The following KALRN variants were observed in gnomAD, a reference collection of about 807,000 sequenced individuals.
KALRN encodes the protein kalirin RhoGEF kinase.
KALRN carries 70 observed loss-of-function variants against 353.7 expected under a neutral mutation model. The ratio of observed to expected loss-of-function variants is 0.20; its 90% CI spans 0.16 to 0.24. KALRN has a LOEUF of 0.24. Ranked by LOEUF, KALRN falls within the 10% of genes least tolerant of loss-of-function variation. The pLI, the probability that KALRN is intolerant of heterozygous loss-of-function variation, is 1.00. For synonymous variants in KALRN, 1,391 were observed against 1,434.8 expected (o/e 0.97, Z 0.69); for missense variants, 2,791 against 3,756.7 (o/e 0.74, Z 6.72).
chr3:124,680,506 T>C (rs2087669046), intron 51 of KALRN, among the ~76,000 whole-genome samples: 1 of 152,278 alleles, frequency 6.6e-6, no homozygotes, highest in African/African-American at 2.4e-5. Context: ...TTTAGAGATT[T>C]CTTCTAAGTA....
intron 21 of KALRN, among the ~76,000 whole-genome samples, chr3:124,452,902 C>A (rs1278047614): frequency 6.6e-6 from 1 of 152,132 alleles, no homozygotes; most frequent in Admixed American, 6.5e-5. Flanking sequence ...GCTGTAAAAC[C>A]CTTTCTTATA....
At chr3:124,168,799 C>A (rs574132263) in intron 1 of KALRN, among the ~76,000 whole-genome samples, 1 of 152,326 alleles carries the variant, frequency 6.6e-6, no homozygotes, top group East Asian at 1.9e-4. Flanking sequence ...TCTCAATCGG[C>A]CTCTCAAGGA....
chr3:124,703,183 C>T (rs2062428902), intron 57 of KALRN, among the ~76,000 whole-genome samples: 2 of 152,172 alleles, frequency 1.3e-5, no homozygotes, highest in Non-Finnish European at 2.9e-5. Flanking sequence ...CAAAATGGTC[C>T]TTCTGCCTGT....
intron 6 of KALRN, among the ~76,000 whole-genome samples, chr3:124,317,930 C>T (rs2078969514): frequency 6.6e-6 from 1 of 152,118 alleles, no homozygotes; most frequent in Non-Finnish European, 1.5e-5. Context: ...CCATCATTCC[C>T]TACCATTTCA....
intron 3 of KALRN, among the ~76,000 whole-genome samples, chr3:124,248,054 T>C (rs1367647531): frequency 6.6e-6 from 1 of 152,260 alleles, no homozygotes; most frequent in East Asian, 1.9e-4. Flanking sequence ...ACTCATATAA[T>C]GGGGGTGAGT....
chr3:124,381,569 T>C (rs1473009549), intron 10 of KALRN, among the ~76,000 whole-genome samples: 3 of 152,192 alleles, frequency 2.0e-5, no homozygotes, highest in South Asian at 2.1e-4. Context: ...ACTGACCCCA[T>C]TGCCTTCCCA....
Position 124,611,233 on chromosome 3 carries a change from CT to C in KALRN, c.5183-21186del, listed in dbSNP as rs1391298308. Among the ~76,000 whole-genome samples, 40 of 152,192 alleles carry C rather than the reference CT, an allele frequency of 2.6e-4. No homozygotes were observed. In the East Asian group the frequency reaches 7.5e-3, roughly 29 times the overall value. Reference sequence around the variant, plus strand: ...TCTGTGGGATCTGGGGAAGGACCGCCTAGGTAGAGAGAGAAGTAACATCAGA... The same window carrying C: ...TCTGTGGGATCTGGGGAAGGACCGCCAGGTAGAGAGAGAAGTAACATCAGA... On this transcript the variant is annotated intron_variant, in intron 34 of 59. Coordinates refer to ENST00000682506, the MANE Select transcript of KALRN (RefSeq NM_001388419.1).
At chr3:124,391,552 T>C (rs903000927) in intron 11 of KALRN, among the ~76,000 whole-genome samples, 1 of 152,188 alleles carries the variant, frequency 6.6e-6, no homozygotes, top group African/African-American at 2.4e-5. Flanking sequence ...ATTTGGACTC[T>C]TTTCAAAGCA....
At chr3:124,658,787 G>C (rs2084431369) in intron 42 of KALRN, among the ~76,000 whole-genome samples, 1 of 152,166 alleles carries the variant, frequency 6.6e-6, no homozygotes, top group South Asian at 2.1e-4. Flanking sequence ...CACAGAGATG[G>C]TTTGAGAAGC....
chr3:124,714,245 G>T (rs1216280237), intron 58 of KALRN, among the ~76,000 whole-genome samples: 3 of 152,162 alleles, frequency 2.0e-5, no homozygotes, highest in African/African-American at 7.2e-5. Context: ...TAACTCAAAA[G>T]ACATTATTCT....
At chr3:124,240,595 C>A (rs1196816018) in intron 3 of KALRN, among the ~76,000 whole-genome samples, 1 of 152,102 alleles carries the variant, frequency 6.6e-6, no homozygotes, top group East Asian at 1.9e-4. Flanking sequence ...GGTACCTTGA[C>A]CCCACTCTCT....
chr3:124,232,335 A>C (rs1461075268), intron 2 of KALRN, among the ~76,000 whole-genome samples: 1 of 152,018 alleles, frequency 6.6e-6, no homozygotes, highest in Non-Finnish European at 1.5e-5. Context: ...TGATGGTTTC[A>C]TTTCCCTCTC....
At chr3:124,638,356 C>T (rs2081609187) in intron 37 of KALRN, among the ~76,000 whole-genome samples, 1 of 151,254 alleles carries the variant, frequency 6.6e-6, no homozygotes, top group Non-Finnish European at 1.5e-5. Context: ...AAACAAAAAC[C>T]TGCTGTTTTC....
intron 3 of KALRN, among the ~76,000 whole-genome samples, chr3:124,244,977 A>G (rs146938971): frequency 6.6e-6 from 1 of 152,100 alleles, no homozygotes; most frequent in Non-Finnish European, 1.5e-5. Flanking sequence ...TCAGAAATTT[A>G]TCATTTTTTT....
chr3:124,631,128 A>G (rs1313881547), intron 34 of KALRN, among the ~76,000 whole-genome samples: 1 of 151,302 alleles, frequency 6.6e-6, no homozygotes, highest in African/African-American at 2.4e-5. Flanking sequence ...AGAACACCCC[A>G]CCCTCCTGGT....
intron 1 of KALRN, among the ~76,000 whole-genome samples, chr3:124,036,270 T>C (rs1240517413): frequency 1.3e-5 from 2 of 152,134 alleles, no homozygotes; most frequent in Admixed American, 1.3e-4. Context: ...TTTGTGTCCA[T>C]GTGTTTTCAT....
chr3:124,179,527 T>A (rs1325429083), intron 1 of KALRN, among the ~76,000 whole-genome samples: 2 of 152,356 alleles, frequency 1.3e-5, no homozygotes, highest in African/African-American at 4.8e-5. Context: ...ATGAACCAGT[T>A]TTTTTAGCAA....
At chr3:124,353,666 A>G (rs1378590280) in intron 10 of KALRN, among the ~76,000 whole-genome samples, 3 of 152,094 alleles carry the variant, frequency 2.0e-5, no homozygotes, top group Non-Finnish European at 4.4e-5. Context: ...TAGCAGCTGC[A>G]AATGCAAGCA....
chr3:124,614,301 C>G (rs915231450), intron 34 of KALRN, among the ~76,000 whole-genome samples: 4 of 151,220 alleles, frequency 2.6e-5, no homozygotes, highest in South Asian at 2.1e-4. Context: ...CAGGGTCTCA[C>G]TCTGTTTCCT....
Sources: gnomAD v4.1 joint callset for allele counts (sites outside exome capture counted in the v4.1 genomes callset) on GRCh38, gnomAD v4.1.1 for gene constraint, MANE v1.5 for transcripts, NCBI Gene and HGNC (gene_info 2026-07-23, HGNC 2026-07-21) for gene names.